DAB1: variants seen among roughly 807,000 people sequenced by gnomAD.
The protein encoded by DAB1 is disabled homolog 1.
A neutral mutation model predicts 64.6 loss-of-function variants in DAB1; 15 were observed. The observed-to-expected ratio is 0.23, with a 90% CI of 0.16 to 0.36. DAB1 has a LOEUF of 0.36. Among genes scored for constraint, DAB1 ranks in the 10% least tolerant of loss-of-function variants. The pLI is 1.00. For missense variants in DAB1, 596 were observed against 706.7 expected (o/e 0.84, Z 1.78); for synonymous variants, 235 against 251.9 (o/e 0.93, Z 0.64).
intron 1 of DAB1, among the ~76,000 whole-genome samples, chr1:57,327,343 A>G (rs1213706688): frequency 6.6e-6 from 1 of 152,148 alleles, no homozygotes; most frequent in Non-Finnish European, 1.5e-5. Flanking sequence ...CTGTCAGAGA[A>G]GAGAGAGATG....
intron 7 of DAB1, among the ~76,000 whole-genome samples, chr1:57,473,307 C>A (rs1451558083): frequency 1.3e-5 from 2 of 152,220 alleles, no homozygotes; most frequent in African/African-American, 2.4e-5. Context: ...CACCCACCTT[C>A]CAGTTGCCCT....
chr1:57,180,259 C>A (rs1427682983), intron 2 of DAB1, among the ~76,000 whole-genome samples: 2 of 152,202 alleles, frequency 1.3e-5, no homozygotes, highest in Non-Finnish European at 2.9e-5. Context: ...CAGCCAAAGA[C>A]CTTCTAACTT....
At chr1:57,673,776 A>T (rs1437471271) in intron 6 of DAB1, among the ~76,000 whole-genome samples, 3 of 152,110 alleles carry the variant, frequency 2.0e-5, no homozygotes, top group African/African-American at 7.2e-5. Flanking sequence ...CTAATGTCTT[A>T]TTTGTGAAGG....
At chr1:57,282,574 G>A (rs1672001546) in intron 2 of DAB1, among the ~76,000 whole-genome samples, 1 of 152,172 alleles carries the variant, frequency 6.6e-6, no homozygotes, top group African/African-American at 2.4e-5. Context: ...TATCTTCAGT[G>A]AATGACCACA....
Position 57,110,585 on chromosome 1 carries a change from A to G in DAB1, c.306+25958T>C, listed in dbSNP as rs115118528. Reference sequence around the variant, plus strand: ...TCAACGTATTTAGTGAACATTACTTATATTCCAGGAACTGGGCCAGATAAT... The same window carrying G: ...TCAACGTATTTAGTGAACATTACTTGTATTCCAGGAACTGGGCCAGATAAT... On this transcript the variant is annotated intron_variant, in intron 4 of 14. Coordinates refer to ENST00000371236, the MANE Select transcript of DAB1 (RefSeq NM_001365792.1). 4.5e-3 allele frequency among the ~76,000 whole-genome samples: 683 copies of G among 152,372 alleles called. 7 individuals carry two copies. The highest frequency in any genetic ancestry group is 0.016 in the African/African-American group (655 of 41,588).
chr1:57,566,375 C>A (rs1461669163), intron 7 of DAB1, among the ~76,000 whole-genome samples: 2 of 151,958 alleles, frequency 1.3e-5, no homozygotes, highest in Non-Finnish European at 2.9e-5. Context: ...ACTAGAGAAG[C>A]AAGAGCAAAC....
chr1:58,055,989 CG>C (rs1449506968), intron 5 of DAB1: 3 of 655,684 alleles, frequency 4.6e-6, no homozygotes, highest in Non-Finnish European at 8.0e-6. Flanking sequence ...CCGCCTGCCT[CG>C]GCCTCACACA....
chr1:57,778,650 C>T (rs1416115329), intron 6 of DAB1, among the ~76,000 whole-genome samples: 1 of 152,052 alleles, frequency 6.6e-6, no homozygotes, highest in East Asian at 1.9e-4. Context: ...AAATATTCTA[C>T]TTAGAGTTCT....
intron 1 of DAB1, among the ~76,000 whole-genome samples, chr1:57,313,261 C>T (rs996430847): frequency 5.3e-5 from 8 of 152,142 alleles, no homozygotes; most frequent in Admixed American, 1.3e-4. Context: ...CTCTCCTGCA[C>T]GGCTTTGAAT....
intron 1 of DAB1, among the ~76,000 whole-genome samples, chr1:58,529,644 G>A (rs889693058): frequency 4.6e-5 from 7 of 152,094 alleles, no homozygotes; most frequent in African/African-American, 1.2e-4. Context: ...TAACAGTGCC[G>A]CATTAAAACC....
intron 4 of DAB1, among the ~76,000 whole-genome samples, chr1:58,294,912 G>C (rs896997377): frequency 6.9e-6 from 1 of 145,656 alleles, no homozygotes; most frequent in Non-Finnish European, 1.5e-5. Flanking sequence ...GTTTGCAAGT[G>C]TGTTTGAGTG....
chr1:58,043,008 T>C (rs1294611385), intron 5 of DAB1, among the ~76,000 whole-genome samples: 1 of 152,180 alleles, frequency 6.6e-6, no homozygotes, highest in Non-Finnish European at 1.5e-5. Flanking sequence ...GTAACATCAG[T>C]AGGAAAGTTT....
chr1:58,141,046 C>T (rs980065833), intron 5 of DAB1, among the ~76,000 whole-genome samples: 1 of 152,084 alleles, frequency 6.6e-6, no homozygotes, highest in African/African-American at 2.4e-5. Context: ...CTGCTCAGCT[C>T]CTAGGGAGGC....
rs74077361 is a variant in DAB1 at position 57,091,068 on chromosome 1, T to C, written c.307-18654A>G. On this transcript the variant is annotated intron_variant, in intron 4 of 14. Coordinates refer to ENST00000371236, the MANE Select transcript of DAB1 (RefSeq NM_001365792.1). ...ATTATAGCAGTTTCAAGCCAAGTTT[T>C]GCCTCTGCTTACTTGAGCCCAGAGC... Among the ~76,000 whole-genome samples the C allele has an allele frequency of 2.6e-3, 395 of 152,298 alleles. 3 individuals carry two copies. The highest frequency in any genetic ancestry group is 9.1e-3 in the African/African-American group (378 of 41,566).
At chr1:58,448,054 A>G (rs557658147) in intron 3 of DAB1, among the ~76,000 whole-genome samples, 3 of 152,162 alleles carry the variant, frequency 2.0e-5, no homozygotes, top group Non-Finnish European at 4.4e-5. Context: ...CAGGCATCAC[A>G]TAAGATAACA....
intron 6 of DAB1, among the ~76,000 whole-genome samples, chr1:57,806,810 C>T (rs950515333): frequency 6.6e-6 from 1 of 152,136 alleles, no homozygotes; most frequent in African/African-American, 2.4e-5. Context: ...TAACACATTC[C>T]CTAATACGTC....
chr1:57,343,616 G>A (rs537323420), intron 1 of DAB1, among the ~76,000 whole-genome samples: 19 of 152,342 alleles, frequency 1.2e-4, no homozygotes, highest in South Asian at 2.1e-4. Flanking sequence ...GCTAAGGCCC[G>A]GCGAGAAATT....
At chr1:58,500,975 TA>T (rs1645897831) in intron 3 of DAB1, among the ~76,000 whole-genome samples, 2 of 152,230 alleles carry the variant, frequency 1.3e-5, no homozygotes, top group Admixed American at 1.3e-4. Flanking sequence ...AGTGTAACTA[TA>T]ATTTTAAAAC....
chr1:57,379,206 A>C lies in DAB1; in HGVS notation c.-137+44724T>G, dbSNP rs572268095. On this transcript the variant is annotated intron_variant, in intron 1 of 14. Transcript: ENST00000371236. ...CATCTTTTCCTATTTCGTACATTGAAGTTATGTGTGAGATCACATAGGTCT... is the reference window on the plus strand; with the variant it reads ...CATCTTTTCCTATTTCGTACATTGACGTTATGTGTGAGATCACATAGGTCT... Among the ~76,000 whole-genome samples the C allele has an allele frequency of 2.6e-5, 4 of 152,310 alleles. No individual in the cohort carries two copies. The South Asian group carries it at 8.3e-4, about 32-fold the overall frequency.
Sources: allele counts gnomAD v4.1 joint callset (sites outside exome capture counted in the v4.1 genomes callset), GRCh38; gene constraint gnomAD v4.1.1; transcripts MANE v1.5; gene names NCBI Gene and HGNC (gene_info 2026-07-23, HGNC 2026-07-21).